Variants in SPINK9 observed in about 807,000 individuals in gnomAD.
SPINK9 encodes serine peptidase inhibitor Kazal type 9, also known as serine protease inhibitor Kazal-type 9.
In SPINK9, 3 loss-of-function variants were observed where a neutral mutation model predicts 10.8. That is an observed-to-expected ratio of 0.28 (90% CI 0.13 to 0.72). The LOEUF (loss-of-function observed/expected upper bound fraction) is 0.72. Ranked by LOEUF, SPINK9 falls within the 30% of genes least tolerant of loss-of-function variation. The pLI is 0.74. For synonymous variants in SPINK9, 30 were observed against 31.2 expected (o/e 0.96, Z 0.12); for missense variants, 101 against 103.2 (o/e 0.98, Z 0.09).
intron 1 of SPINK9, among the ~76,000 whole-genome samples, chr5:148,323,231 A>G (rs1008883676): frequency 6.6e-6 from 1 of 152,156 alleles, no homozygotes; most frequent in African/African-American, 2.4e-5. Flanking sequence ...AGAAATAGTG[A>G]CTAAAGTACA....
intron 2 of SPINK9, among the ~76,000 whole-genome samples, chr5:148,328,658 T>G (rs1427778470): frequency 6.6e-6 from 1 of 152,224 alleles, no homozygotes; most frequent in Admixed American, 6.5e-5. Context: ...ATAGCCCTTA[T>G]TATTTTGAAA....
intron 2 of SPINK9, among the ~76,000 whole-genome samples, chr5:148,326,513 G>T (rs1757062188): frequency 6.6e-6 from 1 of 151,848 alleles, no homozygotes; most frequent in African/African-American, 2.4e-5. Context: ...ACAGAGGAAT[G>T]AATTTTTATT....
upstream of SPINK9, among the ~76,000 whole-genome samples, chr5:148,331,091 T>C (rs1757143005): frequency 6.6e-6 from 1 of 152,210 alleles, no homozygotes; most frequent in Non-Finnish European, 1.5e-5. Context: ...CTGCACCCAC[T>C]GTCCTGCACC....
In SPINK9 at chr5:148,329,659, T is replaced by A. The variant is rs1325457030; in HGVS notation, c.118+5791T>A. On this transcript the variant is annotated intron_variant, in intron 2 of 4. Coordinates refer to the SPINK9 transcript ENST00000511717. ...GAGTATTTAGTGCTATAAATTTCCC[T>A]CTACACACTGCTTTGAATGTGTCCC... Among the ~76,000 whole-genome samples, 7 of 152,216 alleles carry A rather than the reference T, an allele frequency of 4.6e-5. No homozygotes were observed. In the East Asian group the frequency reaches 1.3e-3, roughly 29 times the overall value.
intron 1 of SPINK9, among the ~76,000 whole-genome samples, chr5:148,322,453 C>T (rs1198218939): frequency 6.6e-6 from 1 of 152,158 alleles, no homozygotes; most frequent in Non-Finnish European, 1.5e-5. Context: ...TCAACAGCCT[C>T]ATTTTATGGA....
chr5:148,324,673 G>T lies in SPINK9; in HGVS notation c.118+805G>T, dbSNP rs145532416. Among the ~76,000 whole-genome samples the T allele has an allele frequency of 5.0e-3, 759 of 151,958 alleles. 7 individuals are homozygous for T. Among genetic ancestry groups the T allele is most frequent in the African/African-American group, 0.017 (698 of 41,444 alleles). Reference sequence around the variant, plus strand: ...TGTTTCAATGTTATGCCTTGAAGAAGACTGAAGAACATGATAATGCATGAT... The same window carrying T: ...TGTTTCAATGTTATGCCTTGAAGAATACTGAAGAACATGATAATGCATGAT... On this transcript the variant is annotated intron_variant, in intron 2 of 4. Coordinates refer to the SPINK9 transcript ENST00000511717.
intron 2 of SPINK9, among the ~76,000 whole-genome samples, chr5:148,326,577 C>T (rs544356009): frequency 3.0e-4 from 45 of 152,030 alleles, no homozygotes; most frequent in African/African-American, 1.1e-3. Flanking sequence ...GGTTTGTTAC[C>T]TATGTATACA....
At position 148,329,040 on chromosome 5, in the gene SPINK9, C is replaced by A. The variant is rs865985912; in HGVS notation, c.118+5172C>A. On this transcript the variant is annotated intron_variant, in intron 2 of 4. Transcript: ENST00000511717. ...CATAAAAATTAGTTAGGGAGGATTC[C>A]CTCATTTTCTATTGATTGGAATAGT... Among the ~76,000 whole-genome samples the A allele has an allele frequency of 3.7e-4, 57 of 152,052 alleles. No homozygotes were observed. The Middle Eastern group carries it at 0.014, about 36-fold the overall frequency.
chr5:148,327,823 T>G (rs973021820), intron 2 of SPINK9, among the ~76,000 whole-genome samples: 6 of 151,156 alleles, frequency 4.0e-5, no homozygotes, highest in African/African-American at 1.5e-4. Flanking sequence ...TGTAGATATG[T>G]GGCATTATTT....
At chr5:148,327,787 G>C (rs1297028078) in intron 2 of SPINK9, among the ~76,000 whole-genome samples, 23 of 151,954 alleles carry the variant, frequency 1.5e-4, no homozygotes, top group African/African-American at 3.9e-4. Flanking sequence ...GCTTGTTTTT[G>C]TCAGGTTTGT....
At chr5:148,324,226 A>G (rs1177729166) in intron 2 of SPINK9, among the ~76,000 whole-genome samples, 2 of 152,182 alleles carry the variant, frequency 1.3e-5, no homozygotes, top group Non-Finnish European at 2.9e-5. Flanking sequence ...AGTGAAAAGG[A>G]GAATGTATAA....
At chr5:148,329,579 T>C (rs1435297023) in intron 2 of SPINK9, among the ~76,000 whole-genome samples, 1 of 152,210 alleles carries the variant, frequency 6.6e-6, no homozygotes, top group Non-Finnish European at 1.5e-5. Context: ...GCTTCTCTAG[T>C]TCTTTTAATT....
chr5:148,336,488 A>C, intron 2 of SPINK9, 35 bp downstream of exon 2: 1 of 1,601,354 alleles, frequency 6.2e-7, no homozygotes, highest in South Asian at 1.1e-5. Context: ...TGTAATTTTA[A>C]AGTCAATATC....
At chr5:148,330,407 G>A (rs1197320271) in intron 2 of SPINK9, among the ~76,000 whole-genome samples, 3 of 152,232 alleles carry the variant, frequency 2.0e-5, no homozygotes, top group South Asian at 2.1e-4. Flanking sequence ...TTGTCTGCAC[G>A]TGAGATGGGT....
chr5:148,327,197 C>T (rs541718184), intron 2 of SPINK9, among the ~76,000 whole-genome samples: 59 of 152,254 alleles, frequency 3.9e-4, no homozygotes, highest in Middle Eastern at 6.8e-3. Flanking sequence ...TTTCAATGAT[C>T]GCCATTCTAA....
chr5:148,324,940 C>G (rs972873558), intron 2 of SPINK9, among the ~76,000 whole-genome samples: 1 of 152,038 alleles, frequency 6.6e-6, no homozygotes, highest in South Asian at 2.1e-4. Context: ...TATCTACCCC[C>G]CTACTATCCT....
upstream of SPINK9, among the ~76,000 whole-genome samples, chr5:148,334,465 C>T (rs947091919): frequency 4.6e-5 from 7 of 152,132 alleles, no homozygotes; most frequent in African/African-American, 1.4e-4. Flanking sequence ...AATTGCAGCA[C>T]TTTGGGAGGC....
upstream of SPINK9, among the ~76,000 whole-genome samples, chr5:148,332,086 G>A (rs1334062523): frequency 6.6e-6 from 1 of 152,192 alleles, no homozygotes; most frequent in East Asian, 1.9e-4. Context: ...TACATATGAA[G>A]TTCTTTGGTC....
chr5:148,339,773 T>C lies in SPINK9; in HGVS notation c.*61T>C. ...TCTATTCACAAGAGTCACATTTCTG[T>C]TCCCATATTATCTATGCCACATTGC... On this transcript the variant is annotated 3_prime_UTR_variant, in exon 4 of 4. Transcript: ENST00000377906. The C allele has an allele frequency of 2.1e-6, 3 of 1,418,696 alleles. No homozygotes were observed. The highest frequency in any genetic ancestry group is 2.3e-5 in the East Asian group (1 of 43,696). The allele number at this position is 1,418,696 out of a possible 1,614,324, so 87.9% of individuals were successfully genotyped here.
Sources: allele counts gnomAD v4.1 joint callset (sites outside exome capture counted in the v4.1 genomes callset), GRCh38; gene constraint gnomAD v4.1.1; transcripts MANE v1.5; gene names NCBI Gene and HGNC (gene_info 2026-07-23, HGNC 2026-07-21).